Variants in IRAG2 observed in about 807,000 individuals in gnomAD.
IRAG2 encodes the protein inositol 1,4,5-triphosphate receptor associated 2.
Under a neutral mutation model 69.9 loss-of-function variants are expected in IRAG2, and 45 were observed. The ratio of observed to expected loss-of-function variants is 0.64; its 90% CI spans 0.51 to 0.83. The LOEUF (loss-of-function observed/expected upper bound fraction) is 0.83. Ranked by LOEUF, IRAG2 falls within the 40% of genes least tolerant of loss-of-function variation. IRAG2 has a pLI of 0.00. For missense variants in IRAG2, 520 were observed against 587.0 expected (o/e 0.89, Z 1.18); for synonymous variants, 193 against 202.4 (o/e 0.95, Z 0.40).
chr12:25,098,682 C>G (rs772463047), intron 15 of IRAG2, among the ~76,000 whole-genome samples: 3 of 151,546 alleles, frequency 2.0e-5, no homozygotes, highest in Non-Finnish European at 2.9e-5. Flanking sequence ...TAACACAAAA[C>G]AAACACAAAC....
rs1947223050 is a variant in IRAG2 at position 25,081,661 on chromosome 12, C to G, written c.245-1762C>G. 3.3e-5 allele frequency among the ~76,000 whole-genome samples: 5 copies of G among 152,236 alleles called. No individual in the cohort carries two copies. In the South Asian group the frequency reaches 1.0e-3, roughly 32 times the overall value. ...AGGAATTTATCCTATAGATAATATG[C>G]ACACACATCCCAAATAACATATGCA... On this transcript the variant is annotated intron_variant, in intron 9 of 21. Transcript: ENST00000556887.
At chr12:25,066,311 A>G (rs1945980361) in intron 4 of IRAG2, 54 bp from the exon 5 acceptor site, 2 of 400,388 alleles carry the variant, frequency 5.0e-6, no homozygotes, top group Non-Finnish European at 8.9e-6. Flanking sequence ...ATGCTTCAAT[A>G]TAGTTTGAAC....
intron 16 of IRAG2, among the ~76,000 whole-genome samples, chr12:25,039,988 T>C (rs1944734809): frequency 6.6e-6 from 1 of 152,194 alleles, no homozygotes; most frequent in African/African-American, 2.4e-5. Flanking sequence ...TCAGACCTAG[T>C]TCTGTCTGAC....
At chr12:25,096,887 T>C in intron 14 of IRAG2, 23 bp from the exon 15 acceptor site, 2 of 1,591,244 alleles carry the variant, frequency 1.3e-6, no homozygotes, top group Non-Finnish European at 1.7e-6. Context: ...TAGATATCTT[T>C]TAATATGCTG....
chr12:25,060,722 A>T (rs1162433429), intron 1 of IRAG2, among the ~76,000 whole-genome samples: 2 of 133,632 alleles, frequency 1.5e-5, no homozygotes, highest in African/African-American at 5.8e-5. Flanking sequence ...GTGCAGTGGC[A>T]TGATCTTGGC....
At chr12:25,105,966 AT>A (rs59014784) in intron 20 of IRAG2, among the ~76,000 whole-genome samples, 3,358 of 152,264 alleles carry the variant, frequency 0.022, 101 homozygotes, top group African/African-American at 0.077. Flanking sequence ...TGGAACAATT[AT>A]GTTTTGCTTA....
chr12:25,104,105 A>G, intron 19 of IRAG2, 47 bp downstream of exon 19: 1 of 1,523,502 alleles, frequency 6.6e-7, no homozygotes, highest in Non-Finnish European at 9.1e-7. Flanking sequence ...ACTATTTTAT[A>G]CTTGGGCTAA....
upstream of IRAG2, among the ~76,000 whole-genome samples, chr12:25,051,174 GACA>G (rs972138941): frequency 1.3e-5 from 2 of 152,152 alleles, no homozygotes; most frequent in Non-Finnish European, 2.9e-5. Flanking sequence ...GAGTGAGAGA[GACA>G]ACGATAAGCT....
chr12:25,066,945 C>G (rs1946024236), intron 5 of IRAG2, among the ~76,000 whole-genome samples: 1 of 152,076 alleles, frequency 6.6e-6, no homozygotes, highest in Non-Finnish European at 1.5e-5. Flanking sequence ...CCACCACGCC[C>G]AGCCGAAAAT....
At chr12:25,025,478 G>C (rs753908833) in intron 8 of IRAG2, among the ~76,000 whole-genome samples, 1 of 152,136 alleles carries the variant, frequency 6.6e-6, no homozygotes, top group Non-Finnish European at 1.5e-5. Flanking sequence ...GCTTACACAC[G>C]CATCCTAAGG....
chr12:25,042,716 C>T (rs139089328), intron 16 of IRAG2, among the ~76,000 whole-genome samples: 9,254 of 151,626 alleles, frequency 0.061, 398 homozygotes, highest in African/African-American at 0.13. Flanking sequence ...CCACCTGCCT[C>T]GGCCTCCCAA....
exon 1 of IRAG2, chr12:25,004,822 T>G: frequency 4.1e-6 from 5 of 1,232,146 alleles, no homozygotes; most frequent in Non-Finnish European, 5.1e-6. Context: ...TTTTAGTACC[T>G]TAACACTTGA....
intron 16 of IRAG2, among the ~76,000 whole-genome samples, chr12:25,039,739 T>A (rs1944732587): frequency 6.6e-6 from 1 of 152,114 alleles, no homozygotes; most frequent in Non-Finnish European, 1.5e-5. Context: ...AACATTCTTC[T>A]ATTTAGCAAC....
At chr12:25,076,387 C>T (rs534337069) in intron 6 of IRAG2, 576 of 969,982 alleles carry the variant, frequency 5.9e-4, no homozygotes, top group East Asian at 1.5e-3. Flanking sequence ...TCATATCTAA[C>T]GTATAGGGCA....
chr12:25,015,508 A>G (rs902557589), intron 5 of IRAG2: 2 of 912,578 alleles, frequency 2.2e-6, no homozygotes, highest in Non-Finnish European at 2.9e-6. Context: ...TATTTCAGTT[A>G]CAATGAAGTC....
At chr12:25,031,478 C>A (rs930568684) in intron 10 of IRAG2, among the ~76,000 whole-genome samples, 7 of 152,096 alleles carry the variant, frequency 4.6e-5, no homozygotes, top group African/African-American at 9.7e-5. Flanking sequence ...AAATCAGATG[C>A]CTTTATTTCA....
intron 5 of IRAG2, among the ~76,000 whole-genome samples, chr12:25,067,355 A>G (rs1591988949): frequency 6.6e-6 from 1 of 152,046 alleles, no homozygotes; most frequent in Non-Finnish European, 1.5e-5. Context: ...TTTTCCACAC[A>G]CCAATCACTT....
exon 16 of IRAG2, chr12:25,037,993 A>C: frequency 2.5e-6 from 1 of 398,880 alleles, no homozygotes; most frequent in East Asian, 3.6e-5. Context: ...AATATCATGG[A>C]AGAGAAGCTA....
At position 25,101,256 on chromosome 12, in the gene IRAG2, G is replaced by A. The variant is rs750930511; in HGVS notation, c.820G>A (p.Ala274Thr). The stretch of plus-strand genomic sequence containing the variant: ...GAAGAGGATGTATGCCAAAGAGCAC[G>A]CTGAATTAGAAGAACTGAAACAGGT... ...NLKRMYAKEHAELEELKQVLL... is the reference protein window; with the variant it reads ...NLKRMYAKEHTELEELKQVLL... The change falls in exon 16 of 22, where the codon GCT (alanine) becomes ACT (threonine). Residue 274 changes from alanine (A) to threonine (T), a missense_variant. Coordinates refer to ENST00000556887, the MANE Select transcript of IRAG2 (RefSeq NM_001366544.2). 5.0e-6 allele frequency: 8 copies of A among 1,612,322 alleles called. No individual in the cohort carries two copies. The highest frequency in any genetic ancestry group is 2.2e-5 in the East Asian group (1 of 44,782).
Sources: allele counts gnomAD v4.1 joint callset (sites outside exome capture counted in the v4.1 genomes callset), GRCh38; gene constraint gnomAD v4.1.1; transcripts MANE v1.5; gene names NCBI Gene and HGNC (gene_info 2026-07-23, HGNC 2026-07-21).